E2F3: variants seen among roughly 807,000 people sequenced by gnomAD.
The protein encoded by E2F3 is E2F transcription factor 3, also known as transcription factor E2F3.
In E2F3, 11 loss-of-function variants were observed where a neutral mutation model predicts 44.4. The observed-to-expected ratio is 0.25, with a 90% CI of 0.16 to 0.41. E2F3 has a LOEUF of 0.41. Ranked by LOEUF, E2F3 falls within the 10% of genes least tolerant of loss-of-function variation. The pLI is 1.00. For synonymous variants in E2F3, 249 were observed against 253.0 expected, an observed-to-expected ratio of 0.98 and a Z score of 0.15; for missense variants, 487 against 583.6, an observed-to-expected ratio of 0.83 and a Z score of 1.70.
intron 1 of E2F3, among the ~76,000 whole-genome samples, chr6:20,412,295 G>A (rs571251474): frequency 1.3e-5 from 2 of 152,192 alleles, no homozygotes; most frequent in South Asian, 2.1e-4. Flanking sequence ...CTCCCAGGGC[G>A]CTTTTTAAAA....
At chr6:20,429,850 G>GT (rs1226016010) in intron 1 of E2F3, among the ~76,000 whole-genome samples, 2 of 151,636 alleles carry the variant, frequency 1.3e-5, no homozygotes, top group East Asian at 1.9e-4. Context: ...ATAATAGATG[G>GT]TTTTTTTGTT....
chr6:20,436,407 C>T (rs144440721), intron 1 of E2F3, among the ~76,000 whole-genome samples: 1 of 152,054 alleles, frequency 6.6e-6, no homozygotes, highest in African/African-American at 2.4e-5. Flanking sequence ...CTTCTTGGGC[C>T]ACACATAAAA....
intron 1 of E2F3, among the ~76,000 whole-genome samples, chr6:20,461,191 G>A (rs753806411): frequency 6.6e-5 from 10 of 151,616 alleles, no homozygotes; most frequent in Non-Finnish European, 1.5e-4. Context: ...CCCATGAAAT[G>A]ACATTAACAA....
intron 1 of E2F3, chr6:20,403,753 C>T (rs1759391926): frequency 1.3e-6 from 2 of 1,485,424 alleles, no homozygotes; most frequent in Non-Finnish European, 1.8e-6. Flanking sequence ...GTCTGTTCGG[C>T]CCTCCGGGCC....
At chr6:20,477,644 G>C (rs1762090654) in intron 1 of E2F3, among the ~76,000 whole-genome samples, 1 of 152,084 alleles carries the variant, frequency 6.6e-6, no homozygotes, top group South Asian at 2.1e-4. Context: ...GTATGCTCTG[G>C]AATTTGCGTT....
intron 1 of E2F3, among the ~76,000 whole-genome samples, chr6:20,414,376 C>G (rs1581572493): frequency 6.6e-6 from 1 of 152,110 alleles, no homozygotes; most frequent in Non-Finnish European, 1.5e-5. Context: ...AAAGAGCCAG[C>G]TGGAAAGTAC....
intron 2 of E2F3, 25 bp from the exon 3 acceptor site, chr6:20,481,181 C>A: frequency 6.2e-7 from 1 of 1,609,696 alleles, no homozygotes. Flanking sequence ...ATCCCCCACC[C>A]GCTCGGTTTT....
chr6:20,425,743 T>C (rs964237077), intron 1 of E2F3, among the ~76,000 whole-genome samples: 1 of 152,174 alleles, frequency 6.6e-6, no homozygotes, highest in Non-Finnish European at 1.5e-5. Flanking sequence ...CTTAGCTCTC[T>C]AGTGGAGGAA....
At position 20,462,856 on chromosome 6, in the gene E2F3, TCTC is replaced by T. The variant is rs200397372; in HGVS notation, c.394-16989_394-16987del. Among the ~76,000 whole-genome samples the T allele has an allele frequency of 2.4e-3, 295 of 122,032 alleles. 2 individuals are homozygous for T. Among genetic ancestry groups the T allele is most frequent in the Non-Finnish European group, 3.6e-3 (220 of 60,834 alleles). 80.1% of individuals were successfully genotyped at this position (122,032 alleles called of 152,430 possible). A position where few individuals can be genotyped will look rare whatever the true frequency, so the allele number is the denominator to read the frequency against. ...TTTTGTTTTGTTCTCTTTCTCTCTC[TCTC>T]TTTTTTTTTTTTTTTTTTTTTTTTT... On this transcript the variant is annotated intron_variant, in intron 1 of 6. Transcript: ENST00000346618.
rs190296575 is a variant in E2F3, at chr6:20,481,688, T to A, written c.725+263T>A. On this transcript the variant is annotated intron_variant, in intron 3 of 6. Coordinates refer to ENST00000346618, the MANE Select transcript of E2F3 (RefSeq NM_001949.5). Reference sequence around the variant, plus strand: ...TCCAGCAACGGCATCCTTAAAGAGGTCCCTGCAGTTGGAAAGTGGACTGCT... The same window carrying A: ...TCCAGCAACGGCATCCTTAAAGAGGACCCTGCAGTTGGAAAGTGGACTGCT... 2.1e-4 allele frequency among the ~76,000 whole-genome samples: 32 copies of A among 152,200 alleles called. No individual in the cohort carries two copies. In the East Asian group the frequency reaches 6.0e-3, roughly 29 times the overall value.
intron 1 of E2F3, among the ~76,000 whole-genome samples, chr6:20,424,446 G>T (rs1312875942): frequency 1.3e-5 from 2 of 152,042 alleles, no homozygotes; most frequent in Non-Finnish European, 2.9e-5. Context: ...GTGTGCATGT[G>T]TGTCTGTGTT....
intron 1 of E2F3, among the ~76,000 whole-genome samples, chr6:20,441,573 G>A (rs1760773713): frequency 6.6e-6 from 1 of 151,776 alleles, no homozygotes; most frequent in Admixed American, 6.6e-5. Context: ...TTTAGCTTGT[G>A]TTTTTGTTTT....
intron 1 of E2F3, among the ~76,000 whole-genome samples, chr6:20,411,559 A>G (rs1192687732): frequency 6.6e-6 from 1 of 152,154 alleles, no homozygotes; most frequent in Non-Finnish European, 1.5e-5. Context: ...CCATCAAGGG[A>G]TGGTGAAATC....
rs1759339343 is a variant in E2F3, at chr6:20,402,536, A to G, written c.304A>G (p.Thr102Ala). Residue 102 changes from threonine (T) to alanine (A), a missense_variant, in exon 1 of 7, where the codon ACG (threonine) becomes GCG (alanine). Physicochemically the swap from Thr to Ala is moderately conservative, Grantham distance 58. Around this residue, in one of 3 missense-constraint regions of E2F3, gnomAD observed 238 missense variants for 236.0 expected, o/e 1.01. Coordinates refer to ENST00000346618, the MANE Select transcript of E2F3 (RefSeq NM_001949.5). This position sits in a 1 kb window ranked among gnomAD's most constrained non-coding sequence, Gnocchi z 5.6. ...GACCGCCGGCAGCCTCCTCTACACC[A>G]CGCCGCACGGACCCTCCAGCAGAGC... ...EQTAGSLLYT[T>A]PHGPSSRAGL... 2 of 1,586,230 alleles carry G rather than the reference A, an allele frequency of 1.3e-6. No homozygotes were observed. The highest frequency in any genetic ancestry group is 1.4e-5 in the African/African-American group (1 of 72,842).
intron 1 of E2F3, among the ~76,000 whole-genome samples, chr6:20,448,916 A>G (rs942589995): frequency 1.3e-5 from 2 of 152,190 alleles, no homozygotes; most frequent in African/African-American, 4.8e-5. Flanking sequence ...TAGAAATTGA[A>G]TGATCCAGTA....
chr6:20,436,578 G>T (rs1372877231), intron 1 of E2F3, among the ~76,000 whole-genome samples: 1 of 152,132 alleles, frequency 6.6e-6, no homozygotes, highest in Non-Finnish European at 1.5e-5. Flanking sequence ...GCGGCCCGTG[G>T]GCCGGAGGTT....
At chr6:20,483,055 A>ATGTG in intron 4 of E2F3, 135 bp downstream of exon 4, 3 of 1,296,824 alleles carry the variant, frequency 2.3e-6, no homozygotes, top group Non-Finnish European at 3.2e-6. Flanking sequence ...CTGTGTGTGT[A>ATGTG]TGTGTGTGTG....
intron 1 of E2F3, chr6:20,445,200 CCAGGATGA>C: frequency 1.1e-6 from 1 of 942,638 alleles, no homozygotes; most frequent in Non-Finnish European, 1.3e-6. Context: ...ATCTTCCTTC[CCAGGATGA>C]CAAGGCATTG....
rs1405092630 is a variant in E2F3 at position 20,402,705 on chromosome 6, G to C, written c.393+80G>C. On this transcript the variant is annotated intron_variant, in intron 1 of 6. Transcript: ENST00000346618. This position sits in a 1 kb window ranked among gnomAD's most constrained non-coding sequence, Gnocchi z 5.6. ...GCGCGGGGTCGTGGGCGCGCTGCGG[G>C]CCGCTCGGGGAGAGCACTGGGCCGA... 2.8e-5 allele frequency: 36 copies of C among 1,272,572 alleles called. No individual in the cohort carries two copies. The highest frequency in any genetic ancestry group is 4.7e-5 in the African/African-American group (3 of 64,066). The allele number at this position is 1,272,572 out of a possible 1,614,324, so 78.8% of individuals were successfully genotyped here.
Sources: allele counts gnomAD v4.1 joint callset (sites outside exome capture counted in the v4.1 genomes callset), GRCh38; gene constraint gnomAD v4.1.1; regional missense constraint gnomAD v4.1.1; non-coding constraint Gnocchi (gnomAD v3.1); transcripts MANE v1.5; gene names NCBI Gene and HGNC (gene_info 2026-07-23, HGNC 2026-07-21).